Variants in CEP85 observed in about 807,000 individuals in gnomAD.
The protein encoded by CEP85 is centrosomal protein of 85 kDa.
CEP85 carries 58 observed loss-of-function variants against 93.7 expected under a neutral mutation model. The observed-to-expected ratio is 0.62, with a 90% CI of 0.50 to 0.77. CEP85 has a LOEUF of 0.77. Among genes scored for constraint, CEP85 ranks in the 30% least tolerant of loss-of-function variants. The probability of loss-of-function intolerance (pLI) is 0.00; values close to 1 mark genes in which losing one functional copy is unlikely to be tolerated. For synonymous variants in CEP85, 314 were observed against 338.6 expected (o/e 0.93, Z 0.80); for missense variants, 868 against 922.0 (o/e 0.94, Z 0.76).
intron 4 of CEP85, among the ~76,000 whole-genome samples, chr1:26,256,408 G>A (rs775029641): frequency 4.6e-5 from 7 of 151,922 alleles, no homozygotes; most frequent in Non-Finnish European, 8.8e-5. Flanking sequence ...GCATGCGCCT[G>A]TAGTCCCAAC....
chr1:26,264,399 G>C (rs959893645), intron 7 of CEP85, among the ~76,000 whole-genome samples: 1 of 152,190 alleles, frequency 6.6e-6, no homozygotes, highest in Non-Finnish European at 1.5e-5. Context: ...TGGGCATGGT[G>C]GTGGGTGCCT....
At chr1:26,243,948 G>C (rs112657032) in intron 2 of CEP85, among the ~76,000 whole-genome samples, 2 of 143,162 alleles carry the variant, frequency 1.4e-5, no homozygotes, top group Admixed American at 7.2e-5. Flanking sequence ...AGTGAGCTGC[G>C]CGCCACTGCA....
At chr1:26,261,743 T>TAAA (rs1557661754) in intron 7 of CEP85, among the ~76,000 whole-genome samples, 29 of 73,294 alleles carry the variant, frequency 4.0e-4, no homozygotes, top group African/African-American at 9.4e-4. Flanking sequence ...AAAAAAAAAT[T>TAAA]TTTTTTTTCC....
In CEP85 at chr1:26,239,781, T is replaced by C. The variant is rs555216222; in HGVS notation, c.-3T>C. The stretch of plus-strand genomic sequence containing the variant: ...CTACAGTTGGCTTAAATAACTGTGA[T>C]TGATGGCCATGCAGGAGAAATATCC... On this transcript the variant is annotated 5_prime_UTR_variant, in exon 2 of 14. Coordinates refer to ENST00000451429, the MANE Select transcript of CEP85 (RefSeq NM_001319944.2). 1 of 1,612,030 alleles carries C rather than the reference T, an allele frequency of 6.2e-7. No homozygotes were observed. The highest frequency in any genetic ancestry group is 8.5e-7 in the Non-Finnish European group (1 of 1,178,076).
At chr1:26,268,032 C>T (rs1168574727) in intron 7 of CEP85, among the ~76,000 whole-genome samples, 6 of 152,232 alleles carry the variant, frequency 3.9e-5, no homozygotes, top group Non-Finnish European at 8.8e-5. Flanking sequence ...CCCTAGAAGA[C>T]TTTCTCCGTC....
chr1:26,249,492 A>G (rs771389602), intron 3 of CEP85, among the ~76,000 whole-genome samples: 2 of 152,226 alleles, frequency 1.3e-5, no homozygotes, highest in East Asian at 3.8e-4. Context: ...TTTAAATTTA[A>G]TAGGCATGCT....
chr1:26,248,801 A>G (rs1172750088), intron 3 of CEP85, among the ~76,000 whole-genome samples: 1 of 130,136 alleles, frequency 7.7e-6, no homozygotes, highest in Admixed American at 9.2e-5. Flanking sequence ...ATCTCGGCTC[A>G]CTGCAAGCTC....
In CEP85 at chr1:26,234,911, C is replaced by G. The variant is rs139294191; in HGVS notation, c.-23+601C>G. On this transcript the variant is annotated intron_variant, in intron 1 of 13. Transcript: ENST00000451429. ...CTGGAAACACTTTTGATAGTCACAG[C>G]TCCAGGGCTTGCTACTGGCATCTAG... 5.3e-4 allele frequency among the ~76,000 whole-genome samples: 81 copies of G among 152,316 alleles called. No homozygotes were observed. In the East Asian group the frequency reaches 0.015, roughly 29 times the overall value.
At chr1:26,251,503 A>T (rs925194927) in intron 3 of CEP85, among the ~76,000 whole-genome samples, 4 of 150,110 alleles carry the variant, frequency 2.7e-5, no homozygotes, top group Non-Finnish European at 4.4e-5. Context: ...CGCCCACCTC[A>T]GCCTCCCAAA....
chr1:26,272,241 T>C (rs2089985605), intron 11 of CEP85, 170 bp downstream of exon 11: 2 of 664,652 alleles, frequency 3.0e-6, no homozygotes, highest in African/African-American at 1.8e-5. Flanking sequence ...ACAAATATAG[T>C]AGGGAGTTTC....
intron 7 of CEP85, among the ~76,000 whole-genome samples, chr1:26,265,003 T>TTA (rs1480720599): frequency 2.1e-4 from 27 of 129,842 alleles, no homozygotes; most frequent in African/African-American, 8.1e-4. Flanking sequence ...TTTTTTTTTT[T>TTA]AGATAGAGTC....
At chr1:26,243,488 C>G (rs1461915273) in intron 2 of CEP85, among the ~76,000 whole-genome samples, 1 of 152,092 alleles carries the variant, frequency 6.6e-6, no homozygotes. Context: ...GAACTGGATT[C>G]AAATATCAGC....
chr1:26,255,060 G>A, intron 3 of CEP85, 111 bp from the exon 4 acceptor site: 1 of 821,130 alleles, frequency 1.2e-6, no homozygotes, highest in Non-Finnish European at 2.0e-6. Context: ...TTTGATGATG[G>A]TGCTCTCTCT....
Position 26,278,645 on chromosome 1 carries a change from A to G in CEP85, c.*1352A>G, listed in dbSNP as rs1166662365. The G allele has an allele frequency of 6.6e-6, 1 of 152,616 alleles. No homozygotes were observed. The highest frequency in any genetic ancestry group is 1.5e-5 in the Non-Finnish European group (1 of 68,032). The allele number at this position is 152,616 out of a possible 1,614,324, so 9.5% of individuals were successfully genotyped here. A position where few individuals can be genotyped will look rare whatever the true frequency, so the allele number is the denominator to read the frequency against. On this transcript the variant is annotated 3_prime_UTR_variant, in exon 14 of 14. Transcript: ENST00000451429. ...CTCTGGGCTCCTGCTGCTTAAAGGC[A>G]GAGCCGCCTGGTTGGTCTCCACCCT...
intron 6 of CEP85, 97 bp from the exon 7 acceptor site, chr1:26,259,519 GA>G: frequency 8.5e-7 from 1 of 1,173,054 alleles, no homozygotes; most frequent in Non-Finnish European, 1.2e-6. Flanking sequence ...GATTCTTGGA[GA>G]AAAATGATAT....
rs1557667774 is a variant in CEP85 at position 26,271,055 on chromosome 1, GT to G, written c.1692del (p.Pro565GlnfsTer36). On this transcript the variant is annotated frameshift_variant, in exon 10 of 14. Transcript: ENST00000451429. LOFTEE classifies it high-confidence loss of function. ...TCTGTGGAGGAGACCAGTGGAGAAG[GT>G]CCAGAAGTGGAAATGGAGTCCTGGC... ...KQSVEETSGE[G>X]PEVEMESWQK... The G allele has an allele frequency of 1.2e-6, 2 of 1,613,772 alleles. No homozygotes were observed. The highest frequency in any genetic ancestry group is 1.7e-6 in the Non-Finnish European group (2 of 1,179,680).
intron 3 of CEP85, among the ~76,000 whole-genome samples, chr1:26,252,236 A>G (rs2089629627): frequency 6.6e-6 from 1 of 150,486 alleles, no homozygotes; most frequent in Non-Finnish European, 1.5e-5. Context: ...CCCCATCTCA[A>G]AAAAGAAAAA....
In CEP85 at chr1:26,251,251, GT is replaced by G. The variant is rs34370061; in HGVS notation, c.209-3903del. The stretch of plus-strand genomic sequence containing the variant: ...AACCACCGTGCCCAACCCAAGCTTG[GT>G]TTTTTTTTTTTTTTTTGAGGTGGAG... On this transcript the variant is annotated intron_variant, in intron 3 of 13. Transcript: ENST00000451429. Among the ~76,000 whole-genome samples, 284 of 113,638 alleles carry G rather than the reference GT, an allele frequency of 2.5e-3. 1 individual carries two copies. The highest frequency in any genetic ancestry group is 7.4e-3 in the African/African-American group (211 of 28,446). The allele number at this position is 113,638 out of a possible 152,430, so 74.6% of individuals were successfully genotyped here.
At chr1:26,267,018 T>C (rs371978517) in intron 7 of CEP85, among the ~76,000 whole-genome samples, 1 of 152,250 alleles carries the variant, frequency 6.6e-6, no homozygotes, top group East Asian at 1.9e-4. Context: ...TGTATACTTC[T>C]GCAGTCCAAT....
Sources: gnomAD v4.1 joint callset for allele counts (sites outside exome capture counted in the v4.1 genomes callset) on GRCh38, gnomAD v4.1.1 for gene constraint, MANE v1.5 for transcripts, NCBI Gene and HGNC (gene_info 2026-07-23, HGNC 2026-07-21) for gene names.